DENND3: variants seen among roughly 807,000 people sequenced by gnomAD.
DENND3 encodes the protein DENN domain containing 3, also known as DENN domain-containing protein 3.
Under a neutral mutation model 135.1 loss-of-function variants are expected in DENND3, and 88 were observed. The ratio of observed to expected loss-of-function variants is 0.65; its 90% CI spans 0.55 to 0.78. The LOEUF (loss-of-function observed/expected upper bound fraction) is 0.78, where lower values mean the gene tolerates loss of function less well. Among genes scored for constraint, DENND3 ranks in the 30% least tolerant of loss-of-function variants. The pLI, the probability that DENND3 is intolerant of heterozygous loss-of-function variation, is 0.00. For synonymous variants in DENND3, 693 were observed against 712.3 expected (o/e 0.97, Z 0.43); for missense variants, 1,392 against 1,688.4 (o/e 0.82, Z 3.08).
chr8:141,169,559 G>T (rs1263010209), intron 13 of DENND3, among the ~76,000 whole-genome samples: 1 of 152,246 alleles, frequency 6.6e-6, no homozygotes, highest in Non-Finnish European at 1.5e-5. Flanking sequence ...CGTTTCCCAT[G>T]GAGTGCAGTG....
intron 22 of DENND3, 59 bp downstream of exon 22, chr8:141,192,722 C>T: frequency 1.2e-6 from 2 of 1,609,048 alleles, no homozygotes; most frequent in Non-Finnish European, 1.7e-6. Context: ...GCCCTGGCCG[C>T]ATCCCCATGC....
chr8:141,168,347 G>C lies in DENND3; in HGVS notation c.2097G>C (p.Arg699Ser). 2.5e-6 allele frequency: 4 copies of C among 1,613,876 alleles called. 1 individual carries two copies. The South Asian group carries it at 3.3e-5, about 13-fold the overall frequency. ...EGAEQAPELM[R>S]LISEILDKPH... ...CTGAGCAGGCGCCGGAGCTGATGAG[G>C]CTCATCAGCGAGATCCTGGACAAGC... The change falls in exon 13 of 23, where the codon AGG becomes AGC. Residue 699 changes from arginine to serine, a missense_variant. Arg to Ser is a moderately radical substitution (Grantham distance 110, BLOSUM62 -1). Coordinates refer to ENST00000519811, the MANE Select transcript of DENND3 (RefSeq NM_001352890.3). The surrounding 1 kb of genome is among the most constrained non-coding windows in gnomAD (Gnocchi z 6.2).
chr8:141,153,376 G>A (rs1327658660), intron 7 of DENND3, among the ~76,000 whole-genome samples: 5 of 152,216 alleles, frequency 3.3e-5, no homozygotes, highest in Admixed American at 2.6e-4. Flanking sequence ...TTACAGGCGT[G>A]AGCCACCACG....
chr8:141,156,884 T>C (rs307749), intron 8 of DENND3, among the ~76,000 whole-genome samples: 103,911 of 150,164 alleles, frequency 0.69, 36,391 homozygotes, highest in African/African-American at 0.79. Context: ...CTCTGCCTTC[T>C]GGGTTCAAGC....
rs1318471768 is a variant in DENND3 at position 141,154,529 on chromosome 8, C to T, written c.1075-1320C>T. On this transcript the variant is annotated intron_variant, in intron 7 of 22. Transcript: ENST00000519811. The surrounding 1 kb of genome is among the most constrained non-coding windows in gnomAD (Gnocchi z 4.4). Reference sequence around the variant, plus strand: ...AGTGTTTGTTCCAGGGTAGGAGAAACCTTGTCAACAACATGTATTGGAATC... The same window carrying T: ...AGTGTTTGTTCCAGGGTAGGAGAAATCTTGTCAACAACATGTATTGGAATC... Among the ~76,000 whole-genome samples the T allele has an allele frequency of 6.6e-6, 1 of 152,006 alleles. No homozygotes were observed. Among genetic ancestry groups the T allele is most frequent in the Non-Finnish European group, 1.5e-5 (1 of 67,998 alleles).
chr8:141,194,086 C>A lies in DENND3; in HGVS notation c.3690C>A (p.Tyr1230Ter). 2 of 1,613,942 alleles carry A rather than the reference C, an allele frequency of 1.2e-6. No individual in the cohort carries two copies. The highest frequency in any genetic ancestry group is 1.7e-6 in the Non-Finnish European group (2 of 1,180,016). ...LGQGTPKGKI[Y>*]VIDAERKTVE... ...AGGGAACACCCAAGGGGAAAATCTA[C>A]GTGATTGACGCCGAGAGGAAGACCG... The change falls in exon 23 of 23, where the codon TAC (tyrosine) becomes TAA (stop). Residue 1230 changes from tyrosine to a stop codon, truncating the protein, a stop_gained. Coordinates refer to ENST00000519811, the MANE Select transcript of DENND3 (RefSeq NM_001352890.3). LOFTEE classifies it high-confidence loss of function.
chr8:141,192,806 G>T (rs1378588655), intron 22 of DENND3, 143 bp downstream of exon 22: 1 of 1,575,942 alleles, frequency 6.3e-7, no homozygotes, highest in Admixed American at 1.8e-5. Flanking sequence ...ACAGGCACGT[G>T]CAGGGTTGGT....
chr8:141,180,749 C>A lies in DENND3; in HGVS notation c.2839C>A (p.Pro947Thr). The A allele has an allele frequency of 6.2e-7, 1 of 1,612,404 alleles. No individual in the cohort carries two copies. Among genetic ancestry groups the A allele is most frequent in the Non-Finnish European group, 8.5e-7 (1 of 1,179,118 alleles). Residue 947 changes from proline to threonine, a missense_variant and splice_region_variant, in exon 17 of 23, where the codon CCC becomes ACC. By Grantham distance (38) the Pro-to-Thr change is conservative. Coordinates refer to ENST00000519811, the MANE Select transcript of DENND3 (RefSeq NM_001352890.3). ...SYFDKMSNEM[P>T]MTLPETTLET... ...ACTCCAAGTGTCTTGTCTTTCAGTG[C>A]CCATGACGCTTCCGGAGACAACCCT...
At chr8:141,157,542 C>T (rs1569555881) in intron 8 of DENND3, 3 of 985,868 alleles carry the variant, frequency 3.0e-6, no homozygotes, top group South Asian at 9.4e-5. Flanking sequence ...CCGGGCTGTA[C>T]TTGCTTCTGG....
intron 17 of DENND3, 114 bp downstream of exon 17, chr8:141,180,968 G>A: frequency 2.5e-6 from 2 of 811,792 alleles, no homozygotes; most frequent in South Asian, 1.9e-5. Context: ...CGGGATAAGT[G>A]GGGACAAGGT....
At position 141,137,984 on chromosome 8, in the gene DENND3, C is replaced by A; in HGVS notation, c.386-38C>A. 1 of 1,556,852 alleles carries A rather than the reference C, an allele frequency of 6.4e-7. No homozygotes were observed. The highest frequency in any genetic ancestry group is 8.7e-7 in the Non-Finnish European group (1 of 1,148,604). On this transcript the variant is annotated intron_variant, in intron 2 of 22. Transcript: ENST00000519811. This position sits in a 1 kb window ranked among gnomAD's most constrained non-coding sequence, Gnocchi z 4.1. ...CTCGTGGGTAACCCAGGCCACTTGG[C>A]AAGAACAGGATTCTTCTCTGTCTCT...
Position 141,154,664 on chromosome 8 carries a change from G to A in DENND3, c.1075-1185G>A, listed in dbSNP as rs1819229512. ...TGCAACCTCCGCCTCCTGGGTTCAA[G>A]CGATTCTCCTGCCTCAGCCTCCTGA... On this transcript the variant is annotated intron_variant, in intron 7 of 22. Coordinates refer to ENST00000519811, the MANE Select transcript of DENND3 (RefSeq NM_001352890.3). This position sits in a 1 kb window ranked among gnomAD's most constrained non-coding sequence, Gnocchi z 4.4. Among the ~76,000 whole-genome samples the A allele has an allele frequency of 6.6e-6, 1 of 151,858 alleles. No homozygotes were observed. The highest frequency in any genetic ancestry group is 6.6e-5 in the Admixed American group (1 of 15,226).
At chr8:141,179,678 G>A (rs904431696) in intron 16 of DENND3, among the ~76,000 whole-genome samples, 3 of 152,374 alleles carry the variant, frequency 2.0e-5, no homozygotes, top group Admixed American at 1.3e-4. Flanking sequence ...GGCTTTCACC[G>A]CAGCCCGGTG....
At chr8:141,157,342 A>G in intron 8 of DENND3, 1 of 985,412 alleles carries the variant, frequency 1.0e-6, no homozygotes, top group Non-Finnish European at 1.2e-6. Flanking sequence ...ACTCAGCTTC[A>G]GTGCCAGGGC....
Position 141,185,123 on chromosome 8 carries a change from C to T in DENND3, c.2945-16C>T, listed in dbSNP as rs1823725001. 1 of 1,607,630 alleles carries T rather than the reference C, an allele frequency of 6.2e-7. No homozygotes were observed. The highest frequency in any genetic ancestry group is 8.5e-7 in the Non-Finnish European group (1 of 1,175,382). Reference sequence around the variant, plus strand: ...AGTGTTTCCTCCTAACAGTTTTGTGCTGCTCTCCTCTTTAGGGCATCTTGA... The same window carrying T: ...AGTGTTTCCTCCTAACAGTTTTGTGTTGCTCTCCTCTTTAGGGCATCTTGA... On this transcript the variant is annotated splice_polypyrimidine_tract_variant and intron_variant, in intron 17 of 22. Transcript: ENST00000519811.
Position 141,168,492 on chromosome 8 carries a change from A to T in DENND3, c.2242A>T (p.Ile748Phe). ...GTCAGGGATCGTGAAGGACGCCAGC[A>T]TCATACACCGGCTGTTCGAGGCCTT... The part of the protein sequence containing the change: ...QESGIVKDAS[I>F]IHRLFEALTV... The change falls in exon 13 of 23, where the codon ATC becomes TTC. Residue 748 changes from isoleucine to phenylalanine, a missense_variant. Transcript: ENST00000519811. This position sits in a 1 kb window ranked among gnomAD's most constrained non-coding sequence, Gnocchi z 6.2. The T allele has an allele frequency of 6.2e-7, 1 of 1,612,716 alleles. No homozygotes were observed. The highest frequency in any genetic ancestry group is 8.5e-7 in the Non-Finnish European group (1 of 1,179,334).
rs1270117749 is a variant in DENND3 at position 141,139,958 on chromosome 8, A to G, written c.502-1245A>G. Reference sequence around the variant, plus strand: ...AGTCTCGCTGTGTCACCCAGGCTTTAGTGCAGCGGTGTGATCACGGCTCAC... The same window carrying G: ...AGTCTCGCTGTGTCACCCAGGCTTTGGTGCAGCGGTGTGATCACGGCTCAC... On this transcript the variant is annotated intron_variant, in intron 3 of 22. Transcript: ENST00000519811. This position sits in a 1 kb window ranked among gnomAD's most constrained non-coding sequence, Gnocchi z 4.2. Among the ~76,000 whole-genome samples the G allele has an allele frequency of 1.3e-5, 2 of 149,990 alleles. No individual in the cohort carries two copies. The highest frequency in any genetic ancestry group is 3.0e-5 in the Non-Finnish European group (2 of 67,640).
chr8:141,192,472 C>T (rs1569557197), intron 21 of DENND3, 23 bp downstream of exon 21: 2 of 1,613,704 alleles, frequency 1.2e-6, no homozygotes, highest in Non-Finnish European at 1.7e-6. Flanking sequence ...GGGCTGTGGG[C>T]CCAGCATGTG....
In DENND3 at chr8:141,143,968, A is replaced by G. The variant is rs1817754903; in HGVS notation, c.624-180A>G. On this transcript the variant is annotated intron_variant, in intron 4 of 22. Transcript: ENST00000519811. ...CCCTTTGTGCCACCTGTCAGGCACTACCGCAGACCTGGGGCCACTCTGCTG... is the reference window on the plus strand; with the variant it reads ...CCCTTTGTGCCACCTGTCAGGCACTGCCGCAGACCTGGGGCCACTCTGCTG... 3 of 543,460 alleles carry G rather than the reference A, an allele frequency of 5.5e-6. No individual in the cohort carries two copies. In the South Asian group the frequency reaches 7.6e-5, roughly 14 times the overall value. 33.7% of individuals were successfully genotyped at this position (543,460 alleles called of 1,614,324 possible).
Sources: allele counts gnomAD v4.1 joint callset (sites outside exome capture counted in the v4.1 genomes callset), GRCh38; gene constraint gnomAD v4.1.1; non-coding constraint Gnocchi (gnomAD v3.1); transcripts MANE v1.5; gene names NCBI Gene and HGNC (gene_info 2026-07-23, HGNC 2026-07-21).